Variants in ESPL1 observed in about 807,000 individuals in gnomAD.
ESPL1 encodes the protein extra spindle pole bodies like 1, separase, also known as separin.
Under a neutral mutation model 217.2 loss-of-function variants are expected in ESPL1, and 50 were observed. The ratio of observed to expected loss-of-function variants is 0.23; its 90% CI spans 0.18 to 0.29. The LOEUF (loss-of-function observed/expected upper bound fraction) is 0.29. Ranked by LOEUF, ESPL1 falls within the 10% of genes least tolerant of loss-of-function variation. The pLI is 1.00. For missense variants in ESPL1, 1,834 were observed against 2,603.0 expected, an observed-to-expected ratio of 0.70 and a Z score of 6.43; for synonymous variants, 994 against 1,081.3, an observed-to-expected ratio of 0.92 and a Z score of 1.58.
chr12:53,283,586 T>C (rs1943899465), intron 16 of ESPL1, 48 bp downstream of exon 16: 9 of 1,566,258 alleles, frequency 5.7e-6, no homozygotes, highest in Non-Finnish European at 7.0e-6. Flanking sequence ...CAAAGTGCCA[T>C]GCACCCTTGA....
Position 53,293,169 on chromosome 12 carries a change from T to C in ESPL1, c.6162-104T>C, listed in dbSNP as rs1330819848. On this transcript the variant is annotated intron_variant, in intron 30 of 30. Coordinates refer to ENST00000257934, the MANE Select transcript of ESPL1 (RefSeq NM_012291.5). This position sits in a 1 kb window ranked among gnomAD's most constrained non-coding sequence, Gnocchi z 4.2. ...AACCAAGGGCCAAAGGAGTTTCTCATTGGTTCAATCCTCTCCACTCACCCA... is the reference window on the plus strand; with the variant it reads ...AACCAAGGGCCAAAGGAGTTTCTCACTGGTTCAATCCTCTCCACTCACCCA... 2.7e-6 allele frequency: 3 copies of C among 1,091,076 alleles called. No homozygotes were observed. The highest frequency in any genetic ancestry group is 2.4e-5 in the East Asian group (1 of 40,864). The allele number at this position is 1,091,076 out of a possible 1,614,324, so 67.6% of individuals were successfully genotyped here. A position where few individuals can be genotyped will look rare whatever the true frequency, so the allele number is the denominator to read the frequency against.
In ESPL1 at chr12:53,268,849, TG is replaced by T. The variant is rs2120866426; in HGVS notation, c.81+7del. The stretch of plus-strand genomic sequence containing the variant: ...GAAGAGTTGCTGCCCGCCTTGAAGG[TG>T]GGGGTGCTGCCTGGCTCGGGATACA... On this transcript the variant is annotated splice_donor_region_variant and intron_variant, in intron 2 of 30. Coordinates refer to ENST00000257934, the MANE Select transcript of ESPL1 (RefSeq NM_012291.5). 2.5e-6 allele frequency: 4 copies of T among 1,609,042 alleles called. No individual in the cohort carries two copies. Among genetic ancestry groups the T allele is most frequent in the Non-Finnish European group, 1.7e-6 (2 of 1,177,224 alleles).
chr12:53,276,772 C>T lies in ESPL1; in HGVS notation c.1853C>T (p.Thr618Ile), dbSNP rs1298054646. 10 of 1,613,884 alleles carry T rather than the reference C, an allele frequency of 6.2e-6. No individual in the cohort carries two copies. Among genetic ancestry groups the T allele is most frequent in the Non-Finnish European group, 8.5e-6 (10 of 1,180,026 alleles). Residue 618 changes from threonine to isoleucine, a missense_variant, in exon 8 of 31, where the codon ACA (threonine) becomes ATA (isoleucine). Transcript: ENST00000257934. Reference protein sequence around the residue: ...CDLLELSPEETPAGAWARATH... With the variant: ...CDLLELSPEEIPAGAWARATH... ...CTCCTGGAGCTGAGCCCCGAGGAGA[C>T]ACCAGCCGGGGCCTGGGCACGAGCC... is the stretch of plus-strand genomic sequence containing the variant.
In ESPL1 at chr12:53,292,088, G is replaced by A; in HGVS notation, c.5796G>A (p.Glu1932=). 1.2e-6 allele frequency: 2 copies of A among 1,612,264 alleles called. No homozygotes were observed. Among genetic ancestry groups the A allele is most frequent in the Non-Finnish European group, 1.7e-6 (2 of 1,178,334 alleles). ...RFLLSYSIIK[E]YGASPVLSQG... is the part of the protein sequence containing the mutation. Reference sequence around the variant, plus strand: ...TACTCAGCTACTCCATCATCAAAGAGGTGGGGTTCAGGGCGTAGTGTCTGG... The same window carrying A: ...TACTCAGCTACTCCATCATCAAAGAAGTGGGGTTCAGGGCGTAGTGTCTGG... Residue 1932 remains glutamate (E), a splice_region_variant and synonymous_variant, in exon 27 of 31, where the codon GAG becomes GAA. Coordinates refer to ENST00000257934, the MANE Select transcript of ESPL1 (RefSeq NM_012291.5). The surrounding 1 kb of genome is among the most constrained non-coding windows in gnomAD (Gnocchi z 4.5).
chr12:53,275,405 G>A (rs1306820197), intron 7 of ESPL1, among the ~76,000 whole-genome samples: 1 of 152,162 alleles, frequency 6.6e-6, no homozygotes, highest in Non-Finnish European at 1.5e-5. Context: ...AGGTTGCAGT[G>A]AGCCGAGATC....
At chr12:53,275,054 G>A (rs376306182) in intron 7 of ESPL1, 44 bp downstream of exon 7, 85 of 1,454,644 alleles carry the variant, frequency 5.8e-5, no homozygotes, top group Non-Finnish European at 7.1e-5. Context: ...TGTAATCCCA[G>A]CACTTTGGGA....
rs758794962 is a variant in ESPL1 at position 53,286,695 on chromosome 12, G to A, written c.3959G>A (p.Arg1320His). The change falls in exon 18 of 31, where the codon CGC becomes CAC. Residue 1320 changes from arginine (R) to histidine (H), a missense_variant. Arg to His is a conservative substitution (Grantham distance 29, BLOSUM62 0). Around this residue, in one of 5 missense-constraint regions of ESPL1, gnomAD observed 681 missense variants for 808.0 expected, o/e 0.84. Coordinates refer to ENST00000257934, the MANE Select transcript of ESPL1 (RefSeq NM_012291.5). This position sits in a 1 kb window ranked among gnomAD's most constrained non-coding sequence, Gnocchi z 5.3. Reference protein sequence around the residue: ...TQGQKRSGRGRQKLASAPLRL... With the variant: ...TQGQKRSGRGHQKLASAPLRL... ...GGCCAAAAACGTTCTGGACGAGGGCGCCAAAAGTTAGCCTCTGCTCCCCTG... is the reference window on the plus strand; with the variant it reads ...GGCCAAAAACGTTCTGGACGAGGGCACCAAAAGTTAGCCTCTGCTCCCCTG... 3.0e-5 allele frequency: 48 copies of A among 1,613,960 alleles called. No homozygotes were observed. Among genetic ancestry groups the A allele is most frequent in the Admixed American group, 5.0e-5 (3 of 59,998 alleles).
chr12:53,290,741 G>T, intron 24 of ESPL1, 100 bp from the exon 25 acceptor site: 1 of 105,492 alleles, frequency 9.5e-6, no homozygotes, highest in Non-Finnish European at 1.3e-5. Context: ...AGACAGACAT[G>T]CACATTGGAA....
At chr12:53,285,051 ATAT>A (rs1565760114) in intron 17 of ESPL1, among the ~76,000 whole-genome samples, 2 of 151,510 alleles carry the variant, frequency 1.3e-5, no homozygotes, top group Non-Finnish European at 2.9e-5. Context: ...AAGAAAGATA[ATAT>A]TTAGAATTCA....
rs1039867461 is a variant in ESPL1 at position 53,283,142 on chromosome 12, T to A, written c.2805T>A (p.Pro935=). 1.9e-6 allele frequency: 3 copies of A among 1,614,092 alleles called. No individual in the cohort carries two copies. In the African/African-American group the frequency reaches 4.0e-5, roughly 22 times the overall value. ...CACCCACCACAGGCTGGCAGACACC[T>A]GAGATAGCTCTCATAGACTCCCATA... ...EQLCAQGWQT[P]EIALIDSHKL... The change falls in exon 15 of 31, where the codon CCT becomes CCA. Residue 935 remains proline, a synonymous_variant. Coordinates refer to ENST00000257934, the MANE Select transcript of ESPL1 (RefSeq NM_012291.5).
chr12:53,288,433 G>A (rs1943993395), intron 19 of ESPL1, 92 bp downstream of exon 19: 1 of 1,530,714 alleles, frequency 6.5e-7, no homozygotes, highest in African/African-American at 1.4e-5. Flanking sequence ...GGAAGTACAG[G>A]AAGAATGTTC....
In ESPL1 at chr12:53,286,674, A is replaced by G; in HGVS notation, c.3938A>G (p.Gln1313Arg). ...PGSEPSKTQGQKRSGRGRQKL... is the reference protein window; with the variant it reads ...PGSEPSKTQGRKRSGRGRQKL... ...TCAGAGCCCTCTAAGACTCAGGGCC[A>G]AAAACGTTCTGGACGAGGGCGCCAA... Residue 1313 changes from glutamine (Q) to arginine (R), a missense_variant, in exon 18 of 31, where the codon CAA becomes CGA. Coordinates refer to ENST00000257934, the MANE Select transcript of ESPL1 (RefSeq NM_012291.5). This position sits in a 1 kb window ranked among gnomAD's most constrained non-coding sequence, Gnocchi z 5.3. 3 of 1,614,122 alleles carry G rather than the reference A, an allele frequency of 1.9e-6. No individual in the cohort carries two copies. Among genetic ancestry groups the G allele is most frequent in the South Asian group, 1.1e-5 (1 of 91,082 alleles).
At chr12:53,272,082 G>C (rs905213873) in intron 5 of ESPL1, among the ~76,000 whole-genome samples, 2 of 76,332 alleles carry the variant, frequency 2.6e-5, no homozygotes, top group Non-Finnish European at 4.6e-5. Context: ...GCAAGACTCT[G>C]TCTCAAAAAA....
rs368850407 is a variant in ESPL1, at chr12:53,286,684, T to C, written c.3948T>C (p.Ser1316=). ...EPSKTQGQKR[S]GRGRQKLASA... ...CTAAGACTCAGGGCCAAAAACGTTC[T>C]GGACGAGGGCGCCAAAAGTTAGCCT... Residue 1316 remains serine, a synonymous_variant, in exon 18 of 31, where the codon TCT becomes TCC. Transcript: ENST00000257934. The surrounding 1 kb of genome is among the most constrained non-coding windows in gnomAD (Gnocchi z 5.3). 17 of 1,614,046 alleles carry C rather than the reference T, an allele frequency of 1.1e-5. No individual in the cohort carries two copies. In the Admixed American group the frequency reaches 1.2e-4, roughly 11 times the overall value.
Position 53,270,388 on chromosome 12 carries a change from G to T in ESPL1, c.1154G>T (p.Gly385Val), listed in dbSNP as rs1279904869. 3.7e-6 allele frequency: 6 copies of T among 1,611,246 alleles called. No homozygotes were observed. Among genetic ancestry groups the T allele is most frequent in the Non-Finnish European group, 5.1e-6 (6 of 1,177,562 alleles). Residue 385 changes from glycine (G) to valine (V), a missense_variant, in exon 4 of 31, where the codon GGC (glycine) becomes GTC (valine). Around this residue, in one of 5 missense-constraint regions of ESPL1, gnomAD observed 746 missense variants for 1,077.0 expected, o/e 0.69. Transcript: ENST00000257934. ...CGCTTCCTTCCTCAGGTGTATGGGG[G>T]CTCCTCCAAGCAACAGCAGTCTTTT... The part of the protein sequence containing the change: ...QQLRDDGVYG[G>V]SSKQQQSFLQ...
intron 20 of ESPL1, 73 bp downstream of exon 20, chr12:53,288,772 T>A: frequency 7.0e-7 from 1 of 1,429,858 alleles, no homozygotes; most frequent in Non-Finnish European, 9.5e-7. Flanking sequence ...CCTCTGTCTT[T>A]CCAGGCTGGG....
chr12:53,278,112 A>G (rs1943801886), intron 11 of ESPL1, 152 bp downstream of exon 11: 1 of 850,666 alleles, frequency 1.2e-6, no homozygotes, highest in Non-Finnish European at 1.8e-6. Context: ...TTTTAAATCC[A>G]AGCTCCCTCA....
At position 53,270,698 on chromosome 12, in the gene ESPL1, G is replaced by C; in HGVS notation, c.1269G>C (p.Leu423=). 1 of 1,614,134 alleles carries C rather than the reference G, an allele frequency of 6.2e-7. No homozygotes were observed. The highest frequency in any genetic ancestry group is 8.5e-7 in the Non-Finnish European group (1 of 1,180,024). The change falls in exon 5 of 31, where the codon CTG becomes CTC. Residue 423 remains leucine, a synonymous_variant. Coordinates refer to ENST00000257934, the MANE Select transcript of ESPL1 (RefSeq NM_012291.5). Reference sequence around the variant, plus strand: ...TTCAGATAGTTGATTTGGCTGACCTGACCCAACTAGTGGACAGTTGTAAAT... The same window carrying C: ...TTCAGATAGTTGATTTGGCTGACCTCACCCAACTAGTGGACAGTTGTAAAT... The part of the protein sequence containing the change: ...QGCQIVDLAD[L]TQLVDSCKST...
intron 1 of ESPL1, 141 bp downstream of exon 1, chr12:53,268,518 G>A (rs1415479084): frequency 2.0e-6 from 1 of 504,894 alleles, no homozygotes; most frequent in East Asian, 3.6e-5. Flanking sequence ...TGAAGGGCTG[G>A]GCCGAGGCCT....
Sources: allele counts gnomAD v4.1 joint callset (sites outside exome capture counted in the v4.1 genomes callset), GRCh38; gene constraint gnomAD v4.1.1; regional missense constraint gnomAD v4.1.1; non-coding constraint Gnocchi (gnomAD v3.1); transcripts MANE v1.5; gene names NCBI Gene and HGNC (gene_info 2026-07-23, HGNC 2026-07-21).